ZCCHC4: variants seen among roughly 807,000 people sequenced by gnomAD.
The protein encoded by ZCCHC4 is rRNA N(6)-adenosine-methyltransferase ZCCHC4.
Under a neutral mutation model 67.7 loss-of-function variants are expected in ZCCHC4, and 54 were observed. That is an observed-to-expected ratio of 0.80 (90% CI 0.64 to 1.00). The LOEUF is 1.00. Ranked by LOEUF, ZCCHC4 falls within the 50% of genes least tolerant of loss-of-function variation. The pLI is 0.00. For missense variants in ZCCHC4, 609 were observed against 617.0 expected (o/e 0.99, Z 0.14); for synonymous variants, 198 against 213.5 (o/e 0.93, Z 0.63).
chr4:25,361,756 T>A, intron 8 of ZCCHC4, 103 bp from the exon 9 acceptor site: 1 of 1,205,342 alleles, frequency 8.3e-7, no homozygotes, highest in South Asian at 1.6e-5. Context: ...ACAAATACTT[T>A]AACTCATATA....
intron 5 of ZCCHC4, among the ~76,000 whole-genome samples, chr4:25,337,975 T>C (rs1293642033): frequency 6.6e-6 from 1 of 152,240 alleles, no homozygotes; most frequent in Non-Finnish European, 1.5e-5. Context: ...GGAAAAATGA[T>C]CTTTAATTCT....
intron 2 of ZCCHC4, among the ~76,000 whole-genome samples, 195 bp from the exon 3 acceptor site, chr4:25,315,123 A>T (rs895706314): frequency 6.6e-6 from 1 of 152,160 alleles, no homozygotes; most frequent in Admixed American, 6.5e-5. Flanking sequence ...TTAATCTCTC[A>T]GTGCTTTAAT....
intron 11 of ZCCHC4, 57 bp from the exon 12 acceptor site, chr4:25,364,965 T>G: frequency 6.2e-7 from 1 of 1,605,912 alleles, no homozygotes; most frequent in South Asian, 1.1e-5. Context: ...TAAAAGTTAA[T>G]AAGATGAAAA....
chr4:25,357,955 G>T (rs1720576865), intron 8 of ZCCHC4, among the ~76,000 whole-genome samples: 1 of 152,204 alleles, frequency 6.6e-6, no homozygotes. Flanking sequence ...TGATATTGCT[G>T]ATCCAGACAC....
chr4:25,351,900 T>A (rs1287696881), intron 8 of ZCCHC4, among the ~76,000 whole-genome samples: 1 of 152,164 alleles, frequency 6.6e-6, no homozygotes. Context: ...ATAAACCCAC[T>A]AAATCAGAAT....
At chr4:25,322,096 A>C (rs2109052513) in intron 3 of ZCCHC4, among the ~76,000 whole-genome samples, 1 of 152,308 alleles carries the variant, frequency 6.6e-6, no homozygotes, top group Admixed American at 6.5e-5. Context: ...GAAAAAATAT[A>C]CACCTTAGAA....
intron 5 of ZCCHC4, among the ~76,000 whole-genome samples, chr4:25,343,532 G>A (rs911768023): frequency 2.0e-5 from 3 of 152,186 alleles, no homozygotes; most frequent in African/African-American, 7.2e-5. Flanking sequence ...ATTGTATTAA[G>A]TACTTTACAT....
At chr4:25,316,060 C>T (rs1718246034) in intron 3 of ZCCHC4, among the ~76,000 whole-genome samples, 1 of 152,158 alleles carries the variant, frequency 6.6e-6, no homozygotes, top group East Asian at 1.9e-4. Flanking sequence ...GTACCTCATA[C>T]AAGTGAGACT....
chr4:25,325,336 C>T (rs1172538678), intron 3 of ZCCHC4, among the ~76,000 whole-genome samples: 1 of 136,154 alleles, frequency 7.3e-6, no homozygotes, highest in Admixed American at 8.0e-5. Context: ...GGTGCCATCT[C>T]GGCTCACTGC....
intron 3 of ZCCHC4, among the ~76,000 whole-genome samples, chr4:25,324,162 C>T (rs1718737337): frequency 1.5e-5 from 2 of 137,488 alleles, no homozygotes; most frequent in Non-Finnish European, 3.1e-5. Flanking sequence ...CAGGTGCACA[C>T]CATGCCTGGC....
rs1418475477 is a variant in ZCCHC4, at chr4:25,361,851, C to G, written c.1012-8C>G. On this transcript the variant is annotated splice_polypyrimidine_tract_variant and splice_region_variant and intron_variant, in intron 8 of 12. Coordinates refer to ENST00000302874, the MANE Select transcript of ZCCHC4 (RefSeq NM_024936.3). ...ATTTTCTTTCTGCTCTAATTTTTAA[C>G]TTTCTAGGTAGATTATGATAATCAT... 6 of 1,593,048 alleles carry G rather than the reference C, an allele frequency of 3.8e-6. No individual in the cohort carries two copies. The highest frequency in any genetic ancestry group is 5.1e-6 in the Non-Finnish European group (6 of 1,169,936).
At chr4:25,368,879 G>A in intron 12 of ZCCHC4, 150 bp from the exon 13 acceptor site, 1 of 980,074 alleles carries the variant, frequency 1.0e-6, no homozygotes. Flanking sequence ...TGTTGTTATG[G>A]TTAGGAGACT....
rs1577717917 is a variant in ZCCHC4, at chr4:25,313,998, A to G, written c.128-48A>G. The G allele has an allele frequency of 9.9e-6, 12 of 1,218,240 alleles. No individual in the cohort carries two copies. In the East Asian group the frequency reaches 2.8e-4, roughly 29 times the overall value. The allele number at this position is 1,218,240 out of a possible 1,614,324, so 75.5% of individuals were successfully genotyped here. On this transcript the variant is annotated intron_variant, in intron 1 of 12. Transcript: ENST00000302874. ...AGCGAAAACTAAGAACTTGACGTAGATGACCATTACTTGACACTTTTTTTT... is the reference window on the plus strand; with the variant it reads ...AGCGAAAACTAAGAACTTGACGTAGGTGACCATTACTTGACACTTTTTTTT...
At chr4:25,340,665 A>G (rs1416740714) in intron 5 of ZCCHC4, among the ~76,000 whole-genome samples, 1 of 152,166 alleles carries the variant, frequency 6.6e-6, no homozygotes, top group Non-Finnish European at 1.5e-5. Flanking sequence ...CAATTTCTTT[A>G]AATGATATTT....
intron 3 of ZCCHC4, among the ~76,000 whole-genome samples, chr4:25,332,692 G>A (rs1560403932): frequency 1.3e-5 from 2 of 152,192 alleles, no homozygotes; most frequent in Admixed American, 6.5e-5. Context: ...GTACTGCTAA[G>A]AACAGAGGAG....
chr4:25,360,545 C>A (rs554022539), intron 8 of ZCCHC4, among the ~76,000 whole-genome samples: 1 of 152,188 alleles, frequency 6.6e-6, no homozygotes, highest in Non-Finnish European at 1.5e-5. Flanking sequence ...ATTGTGCATA[C>A]GACTTGCCTG....
chr4:25,341,609 T>C (rs1485123317), intron 5 of ZCCHC4, among the ~76,000 whole-genome samples: 1 of 152,242 alleles, frequency 6.6e-6, no homozygotes, highest in African/African-American at 2.4e-5. Flanking sequence ...TAAACCTCTT[T>C]TCTTTATAAA....
At chr4:25,352,330 A>G (rs1440361729) in intron 8 of ZCCHC4, 1 of 984,572 alleles carries the variant, frequency 1.0e-6, no homozygotes, top group Non-Finnish European at 1.2e-6. Flanking sequence ...TTTAAACTCC[A>G]CTTTCCTGTA....
At position 25,370,130 on chromosome 4, in the gene ZCCHC4, C is replaced by A. The variant is rs1365344316; in HGVS notation, c.*966C>A. On this transcript the variant is annotated 3_prime_UTR_variant, in exon 13 of 13. Coordinates refer to ENST00000302874, the MANE Select transcript of ZCCHC4 (RefSeq NM_024936.3). ...TGTTTAGAACTACGACTTGCTCTGTCATTCCAGTGTCGTTTAACCTATGCA... is the reference window on the plus strand; with the variant it reads ...TGTTTAGAACTACGACTTGCTCTGTAATTCCAGTGTCGTTTAACCTATGCA... 2.0e-5 allele frequency: 3 copies of A among 152,202 alleles called. No individual in the cohort carries two copies. The highest frequency in any genetic ancestry group is 4.4e-5 in the Non-Finnish European group (3 of 68,042). 9.4% of individuals were successfully genotyped at this position (152,202 alleles called of 1,614,324 possible). A position where few individuals can be genotyped will look rare whatever the true frequency, so the allele number is the denominator to read the frequency against.
Sources: gnomAD v4.1 joint callset for allele counts (sites outside exome capture counted in the v4.1 genomes callset) on GRCh38, gnomAD v4.1.1 for gene constraint, MANE v1.5 for transcripts, NCBI Gene and HGNC (gene_info 2026-07-23, HGNC 2026-07-21) for gene names.